The following ILRUN variants were observed in gnomAD, a reference collection of about 807,000 sequenced individuals.
ILRUN encodes the protein inflammation and lipid regulator with UBA-like and NBR1-like domains.
Under a neutral mutation model 33.8 loss-of-function variants are expected in ILRUN, and 3 were observed. The ratio of observed to expected loss-of-function variants is 0.09; its 90% CI spans 0.04 to 0.23. The LOEUF (loss-of-function observed/expected upper bound fraction) is 0.23. Among genes scored for constraint, ILRUN ranks in the 10% least tolerant of loss-of-function variants. ILRUN has a pLI of 1.00. For synonymous variants in ILRUN, 124 were observed against 138.9 expected (o/e 0.89, Z 0.75); for missense variants, 210 against 375.1 (o/e 0.56, Z 3.64).
At chr6:34,617,894 A>G (rs1202309715) in intron 3 of ILRUN, among the ~76,000 whole-genome samples, 2 of 152,234 alleles carry the variant, frequency 1.3e-5, no homozygotes, top group African/African-American at 2.4e-5. Flanking sequence ...AAGTTCACGC[A>G]GGAAAGAAGA....
At chr6:34,663,567 TTTTG>T (rs1477334465) in intron 1 of ILRUN, among the ~76,000 whole-genome samples, 1 of 151,994 alleles carries the variant, frequency 6.6e-6, no homozygotes, top group Non-Finnish European at 1.5e-5. Flanking sequence ...CCCAGACTGG[TTTTG>T]AACTCCAAGC....
rs1761223110 is a variant in ILRUN at position 34,587,803 on chromosome 6, C to T, written c.*2762G>A. ...GCATGCACACGTGCACATCCATCCACACACACACACCTCACTCCATGCACA... is the reference window on the plus strand; with the variant it reads ...GCATGCACACGTGCACATCCATCCATACACACACACCTCACTCCATGCACA... On this transcript the variant is annotated 3_prime_UTR_variant, in exon 5 of 5. Coordinates refer to ENST00000374023, the MANE Select transcript of ILRUN (RefSeq NM_024294.4). The T allele has an allele frequency of 5.4e-6, 2 of 372,488 alleles. No homozygotes were observed. The highest frequency in any genetic ancestry group is 2.1e-5 in the African/African-American group (1 of 48,136). 23.1% of individuals were successfully genotyped at this position (372,488 alleles called of 1,614,324 possible). A position where few individuals can be genotyped will look rare whatever the true frequency, so the allele number is the denominator to read the frequency against.
At chr6:34,676,070 A>C (rs572255203) in intron 1 of ILRUN, among the ~76,000 whole-genome samples, 1 of 152,288 alleles carries the variant, frequency 6.6e-6, no homozygotes, top group African/African-American at 2.4e-5. Flanking sequence ...AACAAAAAAC[A>C]TGCTATCCAT....
At position 34,644,971 on chromosome 6, in the gene ILRUN, G is replaced by T. The variant is rs143029421; in HGVS notation, c.511+1630C>A. ...AGTGAAAATGAGTCCAGGCCAGATCGTGAGCCTTATATCCTGTGCCAAGGA... is the reference window on the plus strand; with the variant it reads ...AGTGAAAATGAGTCCAGGCCAGATCTTGAGCCTTATATCCTGTGCCAAGGA... On this transcript the variant is annotated intron_variant, in intron 3 of 4. Transcript: ENST00000374023. 1.6e-4 allele frequency among the ~76,000 whole-genome samples: 25 copies of T among 152,262 alleles called. No homozygotes were observed. In the East Asian group the frequency reaches 4.8e-3, roughly 29 times the overall value.
At chr6:34,625,085 C>G (rs1358836921) in intron 3 of ILRUN, among the ~76,000 whole-genome samples, 1 of 152,216 alleles carries the variant, frequency 6.6e-6, no homozygotes, top group Non-Finnish European at 1.5e-5. Context: ...GAGAACTACA[C>G]TAGCTCTTTA....
Position 34,657,587 on chromosome 6 carries a change from C to G in ILRUN, c.159-2808G>C, listed in dbSNP as rs902173840. ...AGCGAACTGGAATCCTGGCAGGAAG[C>G]TGGAGAGGATGACAAAGCAAATTCA... On this transcript the variant is annotated intron_variant, in intron 1 of 4. Coordinates refer to ENST00000374023, the MANE Select transcript of ILRUN (RefSeq NM_024294.4). 2.0e-5 allele frequency among the ~76,000 whole-genome samples: 3 copies of G among 152,174 alleles called. 1 individual carries two copies. The highest frequency in any genetic ancestry group is 4.4e-5 in the Non-Finnish European group (3 of 68,042).
intron 1 of ILRUN, among the ~76,000 whole-genome samples, chr6:34,683,427 T>C (rs898417485): frequency 1.6e-4 from 11 of 67,396 alleles, no homozygotes; most frequent in African/African-American, 1.0e-3. Context: ...TACATATATA[T>C]ACATATATAT....
chr6:34,608,610 C>A (rs1761681847), intron 3 of ILRUN, among the ~76,000 whole-genome samples: 1 of 152,060 alleles, frequency 6.6e-6, no homozygotes, highest in African/African-American at 2.4e-5. Flanking sequence ...AAACAAACTA[C>A]AATGTTATGG....
At chr6:34,693,622 G>A (rs946105983) in intron 1 of ILRUN, among the ~76,000 whole-genome samples, 3 of 151,034 alleles carry the variant, frequency 2.0e-5, no homozygotes, top group African/African-American at 7.3e-5. Flanking sequence ...CCATGGCTTT[G>A]AGCATAAGTT....
At chr6:34,631,331 C>CT (rs1230393478) in intron 3 of ILRUN, among the ~76,000 whole-genome samples, 4,095 of 142,588 alleles carry the variant, frequency 0.029, 143 homozygotes, top group African/African-American at 0.087. Context: ...CCATTCCCCT[C>CT]TTTTTTTTTT....
intron 4 of ILRUN, among the ~76,000 whole-genome samples, chr6:34,591,890 C>T (rs954384714): frequency 1.3e-5 from 2 of 152,196 alleles, no homozygotes; most frequent in Non-Finnish European, 2.9e-5. Flanking sequence ...CCCACGCTAG[C>T]TCTCCCTTGC....
At chr6:34,644,258 T>C (rs1762526183) in intron 3 of ILRUN, among the ~76,000 whole-genome samples, 1 of 152,212 alleles carries the variant, frequency 6.6e-6, no homozygotes, top group Non-Finnish European at 1.5e-5. Flanking sequence ...TCATGTATAT[T>C]GTCTTCTTCT....
chr6:34,674,444 GC>G (rs1763185691), intron 1 of ILRUN, among the ~76,000 whole-genome samples: 1 of 152,162 alleles, frequency 6.6e-6, no homozygotes, highest in South Asian at 2.1e-4. Context: ...CACAGCAGAG[GC>G]TTTGAACTTT....
At chr6:34,679,071 C>T (rs766604038) in intron 1 of ILRUN, among the ~76,000 whole-genome samples, 2 of 150,918 alleles carry the variant, frequency 1.3e-5, no homozygotes, top group Non-Finnish European at 2.9e-5. Flanking sequence ...AATCTGTATA[C>T]CAAACCCCAT....
At chr6:34,683,473 CACATATATATATACATATATATATACAT>C (rs1763435876) in intron 1 of ILRUN, among the ~76,000 whole-genome samples, 2 of 97,844 alleles carry the variant, frequency 2.0e-5, no homozygotes, top group East Asian at 2.6e-4. Context: ...CATATATATA[CACATATATATATACATATATATATACAT>C]ATATATATAT....
intron 1 of ILRUN, 146 bp from the exon 2 acceptor site, chr6:34,654,925 G>T: frequency 1.6e-6 from 1 of 611,298 alleles, no homozygotes. Flanking sequence ...TTCTATTCTG[G>T]CTGAGGAACA....
chr6:34,662,816 C>T (rs899393499), intron 1 of ILRUN, among the ~76,000 whole-genome samples: 1 of 152,238 alleles, frequency 6.6e-6, no homozygotes, highest in Non-Finnish European at 1.5e-5. Context: ...GTGGCTCACA[C>T]CTGTAATCCC....
At chr6:34,662,124 C>CAAAAA (rs57423564) in intron 1 of ILRUN, among the ~76,000 whole-genome samples, 8 of 39,992 alleles carry the variant, frequency 2.0e-4, no homozygotes, top group South Asian at 1.2e-3. Context: ...GACTCCGTCT[C>CAAAAA]AAAAAAAAAA....
intron 3 of ILRUN, among the ~76,000 whole-genome samples, chr6:34,618,099 C>A (rs1330160277): frequency 6.6e-6 from 1 of 152,072 alleles, no homozygotes; most frequent in Non-Finnish European, 1.5e-5. Flanking sequence ...CCTTGCTTCC[C>A]AAATCCAGGA....
Sources: gnomAD v4.1 joint callset for allele counts (sites outside exome capture counted in the v4.1 genomes callset) on GRCh38, gnomAD v4.1.1 for gene constraint, MANE v1.5 for transcripts, NCBI Gene and HGNC (gene_info 2026-07-23, HGNC 2026-07-21) for gene names.